The following TENM4 variants were observed in gnomAD, a reference collection of about 807,000 sequenced individuals.
TENM4 encodes the protein teneurin-4.
Under a neutral mutation model 243.3 loss-of-function variants are expected in TENM4, and 82 were observed. The ratio of observed to expected loss-of-function variants is 0.34; its 90% CI spans 0.28 to 0.40. The LOEUF (loss-of-function observed/expected upper bound fraction) is 0.40. Ranked by LOEUF, TENM4 falls within the 10% of genes least tolerant of loss-of-function variation. The pLI, the probability that TENM4 is intolerant of heterozygous loss-of-function variation, is 1.00. For missense variants in TENM4, 3,138 were observed against 3,673.3 expected (o/e 0.85, Z 3.77); for synonymous variants, 1,412 against 1,456.3 (o/e 0.97, Z 0.69).
At chr11:79,234,015 CAG>C (rs1418537675) in intron 2 of TENM4, among the ~76,000 whole-genome samples, 1 of 152,194 alleles carries the variant, frequency 6.6e-6, no homozygotes, top group Non-Finnish European at 1.5e-5. Context: ...GCAAAGAGCA[CAG>C]AGTTTGGACT....
intron 6 of TENM4, among the ~76,000 whole-genome samples, chr11:78,959,660 G>A (rs1219035737): frequency 6.6e-6 from 1 of 152,178 alleles, no homozygotes; most frequent in Non-Finnish European, 1.5e-5. Flanking sequence ...TTCAGAGCAA[G>A]GGCCTGGGGA....
intron 28 of TENM4, among the ~76,000 whole-genome samples, chr11:78,694,245 C>A (rs948714667): frequency 2.0e-5 from 3 of 152,140 alleles, no homozygotes; most frequent in African/African-American, 7.2e-5. Flanking sequence ...ACTTTCATTT[C>A]TGATTGTTTC....
chr11:79,338,885 G>A (rs1157594582), intron 1 of TENM4, among the ~76,000 whole-genome samples: 1 of 152,160 alleles, frequency 6.6e-6, no homozygotes, highest in Non-Finnish European at 1.5e-5. Flanking sequence ...GTCTGCTCAG[G>A]GCATCCAAAT....
At chr11:79,354,498 G>A (rs1857465619) in intron 1 of TENM4, among the ~76,000 whole-genome samples, 1 of 152,204 alleles carries the variant, frequency 6.6e-6, no homozygotes, top group Admixed American at 6.5e-5. Context: ...AGGAATGCAA[G>A]CACAGGTCTG....
intron 1 of TENM4, among the ~76,000 whole-genome samples, chr11:79,370,383 C>T (rs901545003): frequency 1.3e-5 from 2 of 152,364 alleles, no homozygotes; most frequent in Non-Finnish European, 2.9e-5. Flanking sequence ...TGCTGGCCGC[C>T]TCATCTCAAG....
At chr11:79,109,728 A>G (rs1391469678) in intron 4 of TENM4, among the ~76,000 whole-genome samples, 1 of 152,214 alleles carries the variant, frequency 6.6e-6, no homozygotes, top group Non-Finnish European at 1.5e-5. Flanking sequence ...AATCACAGAC[A>G]CTCAGATATC....
At chr11:79,399,708 CAT>C (rs999846426) in intron 1 of TENM4, among the ~76,000 whole-genome samples, 10 of 152,204 alleles carry the variant, frequency 6.6e-5, no homozygotes, top group South Asian at 2.1e-4. Context: ...GAAACAGAAA[CAT>C]GTGGAATCTT....
chr11:79,090,251 A>AG (rs1860913563), intron 4 of TENM4, among the ~76,000 whole-genome samples: 1 of 152,244 alleles, frequency 6.6e-6, no homozygotes, highest in Admixed American at 6.5e-5. Flanking sequence ...AATCTGCAGG[A>AG]GCAATCAGGC....
intron 1 of TENM4, among the ~76,000 whole-genome samples, chr11:79,323,773 CT>C (rs1209002879): frequency 6.6e-6 from 1 of 152,132 alleles, no homozygotes; most frequent in African/African-American, 2.4e-5. Flanking sequence ...GAAATCCTTC[CT>C]GGGTTTCTAG....
intron 1 of TENM4, among the ~76,000 whole-genome samples, chr11:79,422,587 C>T (rs1219601426): frequency 1.3e-5 from 2 of 152,166 alleles, no homozygotes; most frequent in Non-Finnish European, 2.9e-5. Flanking sequence ...ACAACTCCCT[C>T]CACCCCAAGA....
At chr11:78,926,534 A>G (rs898764367) in intron 6 of TENM4, among the ~76,000 whole-genome samples, 2 of 152,116 alleles carry the variant, frequency 1.3e-5, no homozygotes, top group Non-Finnish European at 2.9e-5. Flanking sequence ...GGCCTCCCAA[A>G]GTGATGGGAT....
At chr11:78,750,174 C>T (rs57900327) in intron 19 of TENM4, among the ~76,000 whole-genome samples, 4,608 of 152,304 alleles carry the variant, frequency 0.03, 240 homozygotes, top group African/African-American at 0.1. Flanking sequence ...GTAAGCAATA[C>T]AGCTTATCCA....
Position 78,658,558 on chromosome 11 carries a change from G to C in TENM4, c.7810C>G (p.Leu2604Val). Residue 2604 changes from leucine (L) to valine (V), a missense_variant, in exon 34 of 34, where the codon CTA (leucine) becomes GTA (valine). By Grantham distance (32) the Leu-to-Val change is conservative. This residue lies in a region of TENM4 where 2,467 missense variants were observed against 3,059.1 expected (regional missense o/e 0.81). Coordinates refer to ENST00000278550, the MANE Select transcript of TENM4 (RefSeq NM_001098816.3). ...VAAILNHAHY[L>V]ENLHFTIDGV... is the part of the protein sequence containing the mutation. ...TCAATGGTGAAGTGCAGGTTCTCTAGGTAGTGGGCATGGTTCAAGATGGCA... is the reference window on the plus strand; with the variant it reads ...TCAATGGTGAAGTGCAGGTTCTCTACGTAGTGGGCATGGTTCAAGATGGCA... 6.2e-7 allele frequency: 1 copy of C among 1,614,014 alleles called. No individual in the cohort carries two copies. The highest frequency in any genetic ancestry group is 1.1e-5 in the South Asian group (1 of 91,078).
intron 10 of TENM4, 31 bp from the exon 11 acceptor site, chr11:78,856,209 A>T (rs956729853): frequency 1.3e-6 from 2 of 1,543,760 alleles, no homozygotes; most frequent in Non-Finnish European, 1.8e-6. Context: ...GAAGACAAAG[A>T]CATCTCGGTT....
chr11:79,414,457 T>C (rs1255108350), intron 1 of TENM4, among the ~76,000 whole-genome samples: 4 of 152,094 alleles, frequency 2.6e-5, no homozygotes, highest in Non-Finnish European at 5.9e-5. Context: ...AAAGAGTGGC[T>C]ATAGAGATGC....
chr11:79,292,948 C>T lies in TENM4; in HGVS notation c.-265+4540G>A, dbSNP rs367641092. ...TCACTTATCAATCAGTTGCTATAAA[C>T]CCTGTACCCTGTTAAAGGCTGAGAC... On this transcript the variant is annotated intron_variant, in intron 2 of 33. Coordinates refer to ENST00000278550, the MANE Select transcript of TENM4 (RefSeq NM_001098816.3). Among the ~76,000 whole-genome samples the T allele has an allele frequency of 1.3e-4, 20 of 152,298 alleles. 1 individual carries two copies. In the East Asian group the frequency reaches 2.9e-3, roughly 22 times the overall value.
chr11:78,864,433 C>CAAAAAAAAAAAAAAAAAAAAAA (rs145489804), intron 9 of TENM4, among the ~76,000 whole-genome samples: 1 of 36,204 alleles, frequency 2.8e-5, no homozygotes, highest in Non-Finnish European at 4.4e-5. Context: ...GACTCCGTCT[C>CAAAAAAAAAAAAAAAAAAAAAA]AAAAAAAAAA....
Position 78,729,361 on chromosome 11 carries a change from A to G in TENM4, c.3406+15T>C. 1 of 1,561,006 alleles carries G rather than the reference A, an allele frequency of 6.4e-7. No homozygotes were observed. Among genetic ancestry groups the G allele is most frequent in the Non-Finnish European group, 8.7e-7 (1 of 1,150,934 alleles). ...GCAAGAGCTATTCTCTGAGTCCTGC[A>G]GCCGGGAGGCTTACCAAAGGCTTCT... is the stretch of plus-strand genomic sequence containing the variant. On this transcript the variant is annotated intron_variant, in intron 22 of 33. Transcript: ENST00000278550.
intron 12 of TENM4, among the ~76,000 whole-genome samples, chr11:78,839,668 C>T (rs1028686095): frequency 3.9e-5 from 6 of 152,156 alleles, no homozygotes; most frequent in East Asian, 1.9e-4. Flanking sequence ...GCTAACTAAT[C>T]GGTGCACCTT....
Sources: gnomAD v4.1 joint callset for allele counts (sites outside exome capture counted in the v4.1 genomes callset) on GRCh38, gnomAD v4.1.1 for gene constraint, gnomAD v4.1.1 regional missense constraint, MANE v1.5 for transcripts, NCBI Gene and HGNC (gene_info 2026-07-23, HGNC 2026-07-21) for gene names.